The following PEX5 variants were observed in gnomAD, a reference collection of about 807,000 sequenced individuals.
PEX5 encodes the protein peroxisomal biogenesis factor 5.
In PEX5, 52 loss-of-function variants were observed where a neutral mutation model predicts 82.9. That is an observed-to-expected ratio of 0.63 (90% CI 0.50 to 0.79). The LOEUF (loss-of-function observed/expected upper bound fraction) is 0.79, where lower values mean the gene tolerates loss of function less well. Among genes scored for constraint, PEX5 ranks in the 30% least tolerant of loss-of-function variants. PEX5 has a pLI of 0.00. For missense variants in PEX5, 719 were observed against 815.2 expected (o/e 0.88, Z 1.44); for synonymous variants, 300 against 318.8 (o/e 0.94, Z 0.63).
In PEX5 at chr12:7,210,338, G is replaced by A. The variant is rs1467434247; in HGVS notation, c.*115G>A. 25 of 932,490 alleles carry A rather than the reference G, an allele frequency of 2.7e-5. No homozygotes were observed. In the East Asian group the frequency reaches 3.7e-4, roughly 14 times the overall value. The allele number at this position is 932,490 out of a possible 1,614,324, so 57.8% of individuals were successfully genotyped here. On this transcript the variant is annotated 3_prime_UTR_variant, in exon 16 of 16. Transcript: ENST00000675855. The stretch of plus-strand genomic sequence containing the variant: ...GCGGGCTGATGACCATAAGCGGTAC[G>A]GCCTTTCAGGAGCTGCCTCAACGTA...
At chr12:7,201,945 C>A in intron 7 of PEX5, 104 bp downstream of exon 7, 1 of 848,682 alleles carries the variant, frequency 1.2e-6, no homozygotes, top group South Asian at 1.4e-5. Context: ...GAGAAGAGAT[C>A]TTAGGTCTCT....
intron 6 of PEX5, 83 bp downstream of exon 6, chr12:7,199,196 AACTT>A: frequency 1.5e-6 from 1 of 679,040 alleles, no homozygotes; most frequent in Non-Finnish European, 2.5e-6. Flanking sequence ...TTCTCGAACC[AACTT>A]ACTTTATTCT....
At chr12:7,205,466 C>T (rs997538455) in intron 10 of PEX5, among the ~76,000 whole-genome samples, 10 of 152,150 alleles carry the variant, frequency 6.6e-5, no homozygotes, top group Non-Finnish European at 1.2e-4. Flanking sequence ...CATTGCAGCT[C>T]AGGCAGATAT....
chr12:7,212,122 C>T (rs1315623719), downstream of PEX5, among the ~76,000 whole-genome samples: 4 of 151,868 alleles, frequency 2.6e-5, no homozygotes, highest in African/African-American at 4.8e-5. Context: ...TGTGCCACCA[C>T]GCCCAGCTAA....
chr12:7,214,104 A>T (rs1419693911), downstream of PEX5, among the ~76,000 whole-genome samples: 1 of 152,274 alleles, frequency 6.6e-6, no homozygotes, highest in Non-Finnish European at 1.5e-5. Context: ...GAGAAATAGG[A>T]ACACTTTTAC....
chr12:7,212,916 G>A (rs746489894), downstream of PEX5: 2 of 152,428 alleles, frequency 1.3e-5, no homozygotes, highest in South Asian at 4.1e-4. Flanking sequence ...TGGGCAGGTG[G>A]AGGAGCAGTT....
At chr12:7,217,387 C>T (rs946226032) in intron 17 of PEX5, among the ~76,000 whole-genome samples, 1 of 152,216 alleles carries the variant, frequency 6.6e-6, no homozygotes, top group Non-Finnish European at 1.5e-5. Flanking sequence ...TCGCTGTACT[C>T]ACCGGGGAAC....
rs1309077646 is a variant in PEX5, at chr12:7,191,311, A to C, written c.269A>C (p.Glu90Ala). 3 of 1,614,028 alleles carry C rather than the reference A, an allele frequency of 1.9e-6. No individual in the cohort carries two copies. Among genetic ancestry groups the C allele is most frequent in the Admixed American group, 3.3e-5 (2 of 60,000 alleles). The change falls in exon 4 of 16, where the codon GAG becomes GCG. Residue 90 changes from glutamate (E) to alanine (A), a missense_variant. Glu to Ala is a moderately radical substitution (Grantham distance 107). Transcript: ENST00000675855. ...QTFKMDDLLA[E>A]MQQIEQSNFR... ...TTCAAGATGGATGACCTCCTGGCTGAGATGCAGCAGATTGAGCAGTCAAAC... is the reference window on the plus strand; with the variant it reads ...TTCAAGATGGATGACCTCCTGGCTGCGATGCAGCAGATTGAGCAGTCAAAC...
intron 6 of PEX5, among the ~76,000 whole-genome samples, chr12:7,200,755 C>A (rs7973600): frequency 0.44 from 67,324 of 151,626 alleles, 16,099 homozygotes; most frequent in Admixed American, 0.61. Context: ...TCAGGCATGG[C>A]GGCGCGTGCC....
chr12:7,199,020 C>A lies in PEX5; in HGVS notation c.458C>A (p.Ser153Tyr). Reference sequence around the variant, plus strand: ...TCTCTGCTCCTTGCAGACCCCTTGTCTGTGTCCCCTGCCCGCTGGGCTGAG... The same window carrying A: ...TCTCTGCTCCTTGCAGACCCCTTGTATGTGTCCCCTGCCCGCTGGGCTGAG... Reference protein sequence around the residue: ...EFISEVTDPLSVSPARWAEEY... With the variant: ...EFISEVTDPLYVSPARWAEEY... The change falls in exon 6 of 16, where the codon TCT becomes TAT. Residue 153 changes from serine (S) to tyrosine (Y), a missense_variant. Ser to Tyr is a moderately radical substitution (Grantham distance 144, BLOSUM62 -2). Coordinates refer to ENST00000675855, the MANE Select transcript of PEX5 (RefSeq NM_001351132.2). The A allele has an allele frequency of 6.3e-7, 1 of 1,599,182 alleles. No homozygotes were observed. Among genetic ancestry groups the A allele is most frequent in the South Asian group, 1.1e-5 (1 of 89,404 alleles).
At position 7,191,234 on chromosome 12, in the gene PEX5, T is replaced by C. The variant is rs1160581004; in HGVS notation, c.192T>C (p.Ala64=). 8 of 1,614,198 alleles carry C rather than the reference T, an allele frequency of 5.0e-6. No individual in the cohort carries two copies. Among genetic ancestry groups the C allele is most frequent in the Non-Finnish European group, 5.9e-6 (7 of 1,180,034 alleles). ...LGVASEDELV[A]EFLQDQNAPL... ...CATTTCCCTTCTGGCAGTTGGTGGC[T>C]GAATTCCTGCAGGACCAGAATGCAC... Residue 64 remains alanine (A), a synonymous_variant, in exon 4 of 16, where the codon GCT becomes GCC. Transcript: ENST00000675855.
intron 5 of PEX5, among the ~76,000 whole-genome samples, chr12:7,191,906 AT>A (rs1221093271): frequency 6.6e-6 from 1 of 152,160 alleles, no homozygotes; most frequent in Non-Finnish European, 1.5e-5. Flanking sequence ...TGGATAAGAG[AT>A]TTTGGATAGA....
rs149185061 is a variant in PEX5 at position 7,191,570 on chromosome 12, C to T, written c.318C>T (p.Ala106=). The change falls in exon 5 of 16, where the codon GCC becomes GCT. Residue 106 remains alanine, a splice_region_variant and synonymous_variant. Coordinates refer to ENST00000675855, the MANE Select transcript of PEX5 (RefSeq NM_001351132.2). ...AGTTTTCTCTCTCTCTCTTTTAAGC[C>T]CCTGGTGTGGCAGACTTGGCCTTGT... ...QSNFRQAPQR[A]PGVADLALSE... The T allele has an allele frequency of 9.3e-6, 15 of 1,613,870 alleles. No homozygotes were observed. The African/African-American group carries it at 1.6e-4, about 17-fold the overall frequency.
intron 5 of PEX5, 87 bp downstream of exon 5, chr12:7,191,787 G>A (rs1941187497): frequency 2.3e-6 from 3 of 1,300,672 alleles, no homozygotes; most frequent in South Asian, 2.4e-5. Context: ...GTGTGATTAC[G>A]ATTTTTCTGG....
downstream of PEX5, among the ~76,000 whole-genome samples, chr12:7,212,547 G>GTGAAATATAGCTATTGCTATTTA (rs1212918628): frequency 1.3e-5 from 2 of 150,340 alleles, no homozygotes; most frequent in East Asian, 3.9e-4. Flanking sequence ...TGTCCAGACA[G>GTGAAATATAGCTATTGCTATTTA]TGAAATATAG....
intron 10 of PEX5, among the ~76,000 whole-genome samples, chr12:7,205,847 C>T (rs1034612317): frequency 8.5e-5 from 13 of 152,172 alleles, no homozygotes; most frequent in African/African-American, 3.1e-4. Context: ...CTAATGAAGA[C>T]ACCTGAAGAG....
intron 5 of PEX5, among the ~76,000 whole-genome samples, chr12:7,194,768 T>C (rs1167062056): frequency 1.3e-5 from 2 of 152,192 alleles, no homozygotes; most frequent in Non-Finnish European, 2.9e-5. Context: ...TGCACTTTCA[T>C]GGGAAAAGCC....
rs1945362903 is a variant in PEX5, at chr12:7,210,085, TGAA to T, written c.1784_1786del (p.Glu595del). 1.9e-6 allele frequency: 3 copies of T among 1,613,986 alleles called. No homozygotes were observed. In the East Asian group the frequency reaches 6.7e-5, roughly 36 times the overall value. On this transcript the variant is annotated inframe_deletion, in exon 16 of 16. Transcript: ENST00000675855. ...AGAGGAAAAGCCGGGGCCCCCGGGG[TGAA>T]GGAGGTGCCATGTCGGAGAACATCT...
Position 7,210,939 on chromosome 12 carries a change from G to A in PEX5, c.*716G>A, listed in dbSNP as rs1452323274. 1.2e-5 allele frequency: 2 copies of A among 162,642 alleles called. No individual in the cohort carries two copies. The highest frequency in any genetic ancestry group is 2.7e-5 in the Non-Finnish European group (2 of 73,128). The allele number at this position is 162,642 out of a possible 1,614,324, so 10.1% of individuals were successfully genotyped here. On this transcript the variant is annotated 3_prime_UTR_variant, in exon 16 of 16. Coordinates refer to ENST00000675855, the MANE Select transcript of PEX5 (RefSeq NM_001351132.2). ...GTTTGCTTGTGAAATGAGGCTGGGT[G>A]GGAGCGGGGAGGGACTAGATCAGAA...
Sources: allele counts gnomAD v4.1 joint callset (sites outside exome capture counted in the v4.1 genomes callset), GRCh38; gene constraint gnomAD v4.1.1; transcripts MANE v1.5; gene names NCBI Gene and HGNC (gene_info 2026-07-23, HGNC 2026-07-21).